CSRNP2: variants seen among roughly 807,000 people sequenced by gnomAD.
The protein encoded by CSRNP2 is cysteine/serine-rich nuclear protein 2.
Under a neutral mutation model 36.6 loss-of-function variants are expected in CSRNP2, and 11 were observed. That is an observed-to-expected ratio of 0.30 (90% CI 0.19 to 0.50). CSRNP2 has a LOEUF of 0.50. Among genes scored for constraint, CSRNP2 ranks in the 20% least tolerant of loss-of-function variants. The probability of loss-of-function intolerance (pLI) is 0.98; values close to 1 mark genes in which losing one functional copy is unlikely to be tolerated. For missense variants in CSRNP2, 483 were observed against 691.4 expected (o/e 0.70, Z 3.38); for synonymous variants, 248 against 275.3 (o/e 0.90, Z 0.98).
intron 1 of CSRNP2, among the ~76,000 whole-genome samples, chr12:51,080,643 T>C (rs1432830239): frequency 2.6e-5 from 4 of 152,186 alleles, no homozygotes; most frequent in African/African-American, 9.7e-5. Context: ...AACTCTTCCA[T>C]TCACATGGAT....
chr12:51,070,184 G>A (rs1204340497), intron 3 of CSRNP2, among the ~76,000 whole-genome samples: 2 of 152,176 alleles, frequency 1.3e-5, no homozygotes, highest in Non-Finnish European at 2.9e-5. Flanking sequence ...TGGAGCCTTT[G>A]GTTGATTTCA....
chr12:51,077,935 C>T (rs1294157877), intron 1 of CSRNP2, among the ~76,000 whole-genome samples: 1 of 152,176 alleles, frequency 6.6e-6, no homozygotes, highest in Non-Finnish European at 1.5e-5. Flanking sequence ...CTTTTTCCTC[C>T]ATCTTTGGAT....
Position 51,061,753 on chromosome 12 carries a change from C to T in CSRNP2, c.*1993G>A, listed in dbSNP as rs980161786. 14 of 152,156 alleles carry T rather than the reference C, an allele frequency of 9.2e-5. No individual in the cohort carries two copies. Among genetic ancestry groups the T allele is most frequent in the African/African-American group, 2.7e-4 (11 of 41,446 alleles). 9.4% of individuals were successfully genotyped at this position (152,156 alleles called of 1,614,324 possible). A position where few individuals can be genotyped will look rare whatever the true frequency, so the allele number is the denominator to read the frequency against. ...TCCCAAAAGCTAATGTGTTCCTCAT[C>T]GTGCAGCTGGAATCTACTTCCTAGA... On this transcript the variant is annotated 3_prime_UTR_variant, in exon 5 of 5. Coordinates refer to ENST00000228515, the MANE Select transcript of CSRNP2 (RefSeq NM_030809.3).
chr12:51,070,293 T>C (rs773546684), intron 3 of CSRNP2, among the ~76,000 whole-genome samples: 3 of 152,156 alleles, frequency 2.0e-5, no homozygotes, highest in Non-Finnish European at 1.5e-5. Flanking sequence ...TTCTTGTTTG[T>C]GGGGGAGGTG....
chr12:51,072,613 G>A (rs1939222108), intron 3 of CSRNP2, among the ~76,000 whole-genome samples: 1 of 91,104 alleles, frequency 1.1e-5, no homozygotes, highest in Non-Finnish European at 2.2e-5. Flanking sequence ...GAAGAGCCAT[G>A]TAAGGTGGGT....
intron 3 of CSRNP2, among the ~76,000 whole-genome samples, chr12:51,072,354 C>A (rs999326178): frequency 1.3e-5 from 2 of 151,614 alleles, no homozygotes; most frequent in Non-Finnish European, 2.9e-5. Flanking sequence ...GGTCAGGAGA[C>A]CGAACCCATC....
At chr12:51,072,740 C>T (rs1161046399) in intron 3 of CSRNP2, among the ~76,000 whole-genome samples, 10 of 151,974 alleles carry the variant, frequency 6.6e-5, no homozygotes, top group Non-Finnish European at 1.0e-4. Context: ...AAGATTATCA[C>T]GTAAGGGTGA....
intron 4 of CSRNP2, among the ~76,000 whole-genome samples, chr12:51,065,923 T>C (rs965844411): frequency 3.3e-5 from 5 of 150,408 alleles, no homozygotes; most frequent in African/African-American, 9.8e-5. Flanking sequence ...CCACAAGGAC[T>C]CAGCATCTAC....
intron 2 of CSRNP2, 134 bp downstream of exon 2, chr12:51,076,277 G>A: frequency 1.1e-6 from 1 of 904,826 alleles, no homozygotes; most frequent in Non-Finnish European, 1.7e-6. Context: ...TGAGAGAAAT[G>A]AGGTCCTCCA....
intron 3 of CSRNP2, among the ~76,000 whole-genome samples, chr12:51,069,677 T>C (rs1938870312): frequency 1.3e-5 from 2 of 148,736 alleles, no homozygotes; most frequent in Non-Finnish European, 2.9e-5. Flanking sequence ...GGCAGAAATC[T>C]GGGTTTTTTT....
At position 51,064,388 on chromosome 12, in the gene CSRNP2, T is replaced by C. The variant is rs770707194; in HGVS notation, c.990A>G (p.Ala330=). 2.5e-6 allele frequency: 4 copies of C among 1,614,090 alleles called. No individual in the cohort carries two copies. In the African/African-American group the frequency reaches 5.3e-5, roughly 22 times the overall value. ...NETAVMHLQS[A]EELERLKAEE... ...CTGCCTTGAGCCGCTCCAGTTCCTC[T>C]GCACTCTGCAGGTGCATCACTGCTG... Residue 330 remains alanine, a synonymous_variant, in exon 5 of 5, where the codon GCA becomes GCG. Coordinates refer to ENST00000228515, the MANE Select transcript of CSRNP2 (RefSeq NM_030809.3).
chr12:51,076,156 C>T (rs1939389684), intron 2 of CSRNP2, among the ~76,000 whole-genome samples: 1 of 152,150 alleles, frequency 6.6e-6, no homozygotes, highest in South Asian at 2.1e-4. Context: ...CTGGTGGGGG[C>T]AGGGTAGAGT....
chr12:51,066,279 G>A (rs537457498), intron 4 of CSRNP2, among the ~76,000 whole-genome samples: 6 of 151,814 alleles, frequency 4.0e-5, no homozygotes, highest in Middle Eastern at 3.4e-3. Flanking sequence ...ATGGTGAAAC[G>A]CCGTCTCTAC....
In CSRNP2 at chr12:51,062,516, T is replaced by C. The variant is rs1319271546; in HGVS notation, c.*1230A>G. 1 of 152,236 alleles carries C rather than the reference T, an allele frequency of 6.6e-6. No homozygotes were observed. Among genetic ancestry groups the C allele is most frequent in the African/African-American group, 2.4e-5 (1 of 41,466 alleles). 9.4% of individuals were successfully genotyped at this position (152,236 alleles called of 1,614,324 possible). On this transcript the variant is annotated 3_prime_UTR_variant, in exon 5 of 5. Transcript: ENST00000228515. Reference sequence around the variant, plus strand: ...ATCAAACTGAATGAGTTCCATTCTATACGCTTCAAAGGTTATAATTAGAAC... The same window carrying C: ...ATCAAACTGAATGAGTTCCATTCTACACGCTTCAAAGGTTATAATTAGAAC...
Position 51,062,295 on chromosome 12 carries a change from GGTT to G in CSRNP2, c.*1448_*1450del, listed in dbSNP as rs769466640. ...GTTTTTCACTTTTGTGTGTGTGTGT[GGTT>G]AATAAACCATACCAGAAGTAAAGTA... On this transcript the variant is annotated 3_prime_UTR_variant, in exon 5 of 5. Transcript: ENST00000228515. 10 of 152,212 alleles carry G rather than the reference GGTT, an allele frequency of 6.6e-5. No individual in the cohort carries two copies. Among genetic ancestry groups the G allele is most frequent in the Non-Finnish European group, 1.3e-4 (9 of 68,012 alleles). The allele number at this position is 152,212 out of a possible 1,614,324, so 9.4% of individuals were successfully genotyped here.
chr12:51,068,928 G>GTA (rs1183490748), intron 3 of CSRNP2, among the ~76,000 whole-genome samples: 23 of 152,172 alleles, frequency 1.5e-4, no homozygotes, highest in African/African-American at 5.6e-4. Context: ...ATATTAACAG[G>GTA]TATTAAAGAA....
Position 51,076,335 on chromosome 12 carries a change from G to A in CSRNP2, c.151+76C>T. 2.0e-6 allele frequency: 3 copies of A among 1,513,536 alleles called. No individual in the cohort carries two copies. In the South Asian group the frequency reaches 3.5e-5, roughly 18 times the overall value. 93.8% of individuals were successfully genotyped at this position (1,513,536 alleles called of 1,614,324 possible). ...TAAGGGCAAATCCCCAAGCCACACA[G>A]ACGCTGTCTCGAGCTGCCATGGGTT... On this transcript the variant is annotated intron_variant, in intron 2 of 4. Coordinates refer to ENST00000228515, the MANE Select transcript of CSRNP2 (RefSeq NM_030809.3).
At chr12:51,068,815 A>G (rs1390938902) in intron 3 of CSRNP2, among the ~76,000 whole-genome samples, 1 of 152,220 alleles carries the variant, frequency 6.6e-6, no homozygotes, top group Admixed American at 6.5e-5. Context: ...GTGTAGTAAA[A>G]GGCTACCAGG....
chr12:51,064,375 G>A lies in CSRNP2; in HGVS notation c.1003C>T (p.Arg335Trp), dbSNP rs187644033. The change falls in exon 5 of 5, where the codon CGG becomes TGG. Residue 335 changes from arginine to tryptophan, a missense_variant. Physicochemically the swap from Arg to Trp is moderately radical, Grantham distance 101 (BLOSUM62 -3). Around this residue, in one of 2 missense-constraint regions of CSRNP2, gnomAD observed 277 missense variants for 323.6 expected, o/e 0.86. Coordinates refer to ENST00000228515, the MANE Select transcript of CSRNP2 (RefSeq NM_030809.3). ...MHLQSAEELE[R>W]LKAEEDSSGS... Reference sequence around the variant, plus strand: ...CTGGAATCTTCTTCTGCCTTGAGCCGCTCCAGTTCCTCTGCACTCTGCAGG... The same window carrying A: ...CTGGAATCTTCTTCTGCCTTGAGCCACTCCAGTTCCTCTGCACTCTGCAGG... 1.4e-5 allele frequency: 22 copies of A among 1,614,140 alleles called. No individual in the cohort carries two copies. The highest frequency in any genetic ancestry group is 1.2e-4 in the Admixed American group (7 of 60,018).
Sources: allele counts gnomAD v4.1 joint callset (sites outside exome capture counted in the v4.1 genomes callset), GRCh38; gene constraint gnomAD v4.1.1; regional missense constraint gnomAD v4.1.1; transcripts MANE v1.5; gene names NCBI Gene and HGNC (gene_info 2026-07-23, HGNC 2026-07-21).